E2F5: variants seen among roughly 807,000 people sequenced by gnomAD.
The protein encoded by E2F5 is E2F transcription factor 5.
Under a neutral mutation model 39.1 loss-of-function variants are expected in E2F5, and 23 were observed. That is an observed-to-expected ratio of 0.59 (90% CI 0.42 to 0.83). E2F5 has a LOEUF of 0.83. Among genes scored for constraint, E2F5 ranks in the 40% least tolerant of loss-of-function variants. The pLI, the probability that E2F5 is intolerant of heterozygous loss-of-function variation, is 0.00. For synonymous variants in E2F5, 145 were observed against 157.8 expected (o/e 0.92, Z 0.61); for missense variants, 365 against 406.7 (o/e 0.90, Z 0.88).
chr8:85,186,841 GGT>G (rs1452084182), intron 1 of E2F5, among the ~76,000 whole-genome samples: 1 of 146,626 alleles, frequency 6.8e-6, no homozygotes, highest in Non-Finnish European at 1.5e-5. Context: ...ATATATGTAA[GGT>G]GTATATATAT....
chr8:85,177,334 G>T lies in E2F5; in HGVS notation c.-87G>T, dbSNP rs904507577. 31 of 960,994 alleles carry T rather than the reference G, an allele frequency of 3.2e-5. No homozygotes were observed. In the African/African-American group the frequency reaches 4.7e-4, roughly 15 times the overall value. 59.5% of individuals were successfully genotyped at this position (960,994 alleles called of 1,614,324 possible). A position where few individuals can be genotyped will look rare whatever the true frequency, so the allele number is the denominator to read the frequency against. ...GCTCTCGGCGGGCGGGGAAGCGGCC[G>T]CAGCGGAGCCGACCCGGCAGGTGGC... On this transcript the variant is annotated 5_prime_UTR_variant, in exon 1 of 8. Transcript: ENST00000416274.
chr8:85,187,420 A>G (rs765371264), intron 1 of E2F5, among the ~76,000 whole-genome samples: 2 of 152,060 alleles, frequency 1.3e-5, no homozygotes. Context: ...ATTACTGTTT[A>G]TCTCTCCCTT....
At chr8:85,208,681 G>T (rs1812849039) in intron 5 of E2F5, among the ~76,000 whole-genome samples, 2 of 152,142 alleles carry the variant, frequency 1.3e-5, no homozygotes, top group African/African-American at 2.4e-5. Context: ...TCAGCTGGAA[G>T]AATGTTATAT....
chr8:85,179,906 C>G (rs1040718301), intron 1 of E2F5, among the ~76,000 whole-genome samples: 1 of 152,180 alleles, frequency 6.6e-6, no homozygotes, highest in African/African-American at 2.4e-5. Context: ...GTGATCCACG[C>G]GCCTCGGCCT....
chr8:85,184,525 G>A (rs1222745993), intron 1 of E2F5, among the ~76,000 whole-genome samples: 1 of 152,178 alleles, frequency 6.6e-6, no homozygotes, highest in African/African-American at 2.4e-5. Flanking sequence ...GGGCAGTCAG[G>A]CAAGAGAAAT....
chr8:85,212,235 T>A, intron 7 of E2F5, 31 bp downstream of exon 7: 3 of 1,467,296 alleles, frequency 2.0e-6, no homozygotes, highest in Non-Finnish European at 2.9e-6. Flanking sequence ...CTAACTCACT[T>A]ATCAGTAATG....
chr8:85,188,475 G>A (rs1266385079), intron 1 of E2F5, among the ~76,000 whole-genome samples: 3 of 152,060 alleles, frequency 2.0e-5, no homozygotes, highest in Non-Finnish European at 4.4e-5. Flanking sequence ...GGTATTCTTG[G>A]CTGGCAGGGT....
intron 1 of E2F5, 52 bp downstream of exon 1, chr8:85,177,706 G>T: frequency 1.6e-6 from 2 of 1,214,078 alleles, no homozygotes; most frequent in East Asian, 3.3e-5. Context: ...GTGGCCCCCG[G>T]GGAAGCCCAG....
At chr8:85,209,736 T>G (rs1812876693) in intron 6 of E2F5, among the ~76,000 whole-genome samples, 1 of 152,244 alleles carries the variant, frequency 6.6e-6, no homozygotes, top group Non-Finnish European at 1.5e-5. Flanking sequence ...CATATGTAGA[T>G]TTCAGCTTTT....
intron 1 of E2F5, among the ~76,000 whole-genome samples, chr8:85,180,424 T>C (rs1812178415): frequency 6.6e-6 from 1 of 150,908 alleles, no homozygotes; most frequent in Non-Finnish European, 1.5e-5. Context: ...CTTGTATTCT[T>C]ACTTTGGTGG....
chr8:85,195,030 G>C (rs1300743205), intron 1 of E2F5, among the ~76,000 whole-genome samples: 2 of 152,024 alleles, frequency 1.3e-5, no homozygotes, highest in African/African-American at 2.4e-5. Flanking sequence ...CAGCTAATAA[G>C]TGGGGTCTAC....
rs113241527 is a variant in E2F5, at chr8:85,205,240, CT to C, written c.507-925del. On this transcript the variant is annotated intron_variant, in intron 3 of 7. Transcript: ENST00000416274. ...TAATCGTAGTGTTCTCCCCACCCTG[CT>C]TTTTTTTTTTTCCTGAGATGGAGTC... Among the ~76,000 whole-genome samples the C allele has an allele frequency of 6.6e-3, 957 of 144,436 alleles. 11 individuals are homozygous for C. The highest frequency in any genetic ancestry group is 0.02 in the African/African-American group (805 of 39,850). 94.8% of individuals were successfully genotyped at this position (144,436 alleles called of 152,430 possible). A position where few individuals can be genotyped will look rare whatever the true frequency, so the allele number is the denominator to read the frequency against.
chr8:85,213,549 A>AAAAAAG (rs1813001653), intron 7 of E2F5: 2 of 268,690 alleles, frequency 7.4e-6, no homozygotes, highest in South Asian at 6.0e-5. Flanking sequence ...TCTTAAAAAA[A>AAAAAAG]AAAAAAAAAA....
chr8:85,189,959 G>C (rs1490243000), intron 1 of E2F5, among the ~76,000 whole-genome samples: 2 of 152,078 alleles, frequency 1.3e-5, no homozygotes. Flanking sequence ...GTAGCTGGGA[G>C]CTGACCTAGG....
chr8:85,184,303 A>G (rs1331774065), intron 1 of E2F5, among the ~76,000 whole-genome samples: 2 of 152,238 alleles, frequency 1.3e-5, no homozygotes, highest in African/African-American at 2.4e-5. Flanking sequence ...AAGGCCTTCA[A>G]CAAAATTCAA....
chr8:85,195,515 G>A (rs1264862987), intron 1 of E2F5, among the ~76,000 whole-genome samples: 1 of 151,752 alleles, frequency 6.6e-6, no homozygotes, highest in African/African-American at 2.4e-5. Context: ...TTTGAGACAG[G>A]GTCTCACTCT....
chr8:85,209,566 C>T (rs1457829149), intron 6 of E2F5, among the ~76,000 whole-genome samples, 157 bp downstream of exon 6: 4 of 152,156 alleles, frequency 2.6e-5, no homozygotes, highest in African/African-American at 9.7e-5. Flanking sequence ...GGGATAGGAC[C>T]CAAGTCTAAA....
At position 85,214,314 on chromosome 8, in the gene E2F5, A is replaced by G; in HGVS notation, c.*452A>G. 1 of 591,334 alleles carries G rather than the reference A, an allele frequency of 1.7e-6. No individual in the cohort carries two copies. The highest frequency in any genetic ancestry group is 3.0e-6 in the Non-Finnish European group (1 of 328,368). 36.6% of individuals were successfully genotyped at this position (591,334 alleles called of 1,614,324 possible). The stretch of plus-strand genomic sequence containing the variant: ...TGCCACTTGTAAAGTGAAGGATGTA[A>G]ACGAGGATATATAACTGTTTCAGTG... On this transcript the variant is annotated 3_prime_UTR_variant, in exon 8 of 8. Transcript: ENST00000416274.
At chr8:85,193,930 G>T (rs1185850298) in intron 1 of E2F5, among the ~76,000 whole-genome samples, 1 of 152,162 alleles carries the variant, frequency 6.6e-6, no homozygotes, top group Non-Finnish European at 1.5e-5. Context: ...ATGAATTCAT[G>T]TATAAGCCTT....
Sources: gnomAD v4.1 joint callset for allele counts (sites outside exome capture counted in the v4.1 genomes callset) on GRCh38, gnomAD v4.1.1 for gene constraint, MANE v1.5 for transcripts, NCBI Gene and HGNC (gene_info 2026-07-23, HGNC 2026-07-21) for gene names.